Variants in FMN1 observed in about 807,000 individuals in gnomAD.
FMN1 encodes the protein formin 1, also known as formin-1.
In FMN1, 110 loss-of-function variants were observed where a neutral mutation model predicts 132.4. That is an observed-to-expected ratio of 0.83 (90% CI 0.71 to 0.97). The LOEUF is 0.97. Ranked by LOEUF, FMN1 falls within the 50% of genes least tolerant of loss-of-function variation. FMN1 has a pLI of 0.00. For missense variants in FMN1, 1,792 were observed against 1,705.3 expected (o/e 1.05, Z -0.90); for synonymous variants, 722 against 651.7 (o/e 1.11, Z -1.64).
chr15:32,817,491 T>G (rs367908324), intron 17 of FMN1, among the ~76,000 whole-genome samples: 79 of 152,318 alleles, frequency 5.2e-4, no homozygotes, highest in Middle Eastern at 6.8e-3. Flanking sequence ...CACGATGACT[T>G]CAAGAGCTCT....
chr15:33,101,886 G>A (rs765221283), intron 4 of FMN1, among the ~76,000 whole-genome samples: 2 of 151,968 alleles, frequency 1.3e-5, no homozygotes, highest in Non-Finnish European at 2.9e-5. Context: ...TAGGTATCCC[G>A]GCTTCCAGCT....
At chr15:33,106,275 CA>C (rs869086036) in intron 4 of FMN1, 4 of 15,178 alleles carry the variant, frequency 2.6e-4, no homozygotes, top group African/African-American at 8.3e-4. Context: ...AACCAGAATC[CA>C]CACACACACA....
chr15:33,001,909 C>A (rs2034141488), intron 7 of FMN1, among the ~76,000 whole-genome samples: 3 of 152,084 alleles, frequency 2.0e-5, no homozygotes, highest in South Asian at 4.2e-4. Flanking sequence ...TAAGCTCCCC[C>A]ACTTACTGCC....
chr15:33,176,971 T>C (rs929774604), intron 3 of FMN1, among the ~76,000 whole-genome samples: 8 of 152,262 alleles, frequency 5.3e-5, no homozygotes, highest in Middle Eastern at 6.3e-3. Context: ...GAACAGTCTA[T>C]GCCTTTAAAT....
intron 19 of FMN1, among the ~76,000 whole-genome samples, chr15:32,780,891 T>G (rs1025933634): frequency 6.6e-6 from 1 of 152,170 alleles, no homozygotes; most frequent in South Asian, 2.1e-4. Context: ...AACCCATACA[T>G]ACAGACATCT....
At chr15:33,058,093 C>A (rs879276027) in intron 6 of FMN1, among the ~76,000 whole-genome samples, 1 of 104,712 alleles carries the variant, frequency 9.6e-6, no homozygotes, top group East Asian at 2.6e-4. Flanking sequence ...GATGGGGGTG[C>A]TGGTGGAAAG....
chr15:33,166,980 G>A (rs1226087514), intron 3 of FMN1, among the ~76,000 whole-genome samples: 1 of 151,982 alleles, frequency 6.6e-6, no homozygotes, highest in African/African-American at 2.4e-5. Flanking sequence ...CTAATCAAGG[G>A]GCAGGAAGAT....
At chr15:33,010,307 T>C (rs2034644394) in intron 6 of FMN1, among the ~76,000 whole-genome samples, 1 of 151,762 alleles carries the variant, frequency 6.6e-6, no homozygotes, top group Non-Finnish European at 1.5e-5. Context: ...AGGTTAGAGA[T>C]GGGGGTTTGG....
rs373185751 is a variant in FMN1, at chr15:32,823,152, G to GTTTTTTTTTTTTTTTTT, written c.3929-18837_3929-18821dup. 4.6e-5 allele frequency among the ~76,000 whole-genome samples: 4 copies of GTTTTTTTTTTTTTTTTT among 86,212 alleles called. 1 individual carries two copies. The highest frequency in any genetic ancestry group is 2.1e-4 in the African/African-American group (4 of 18,722). 56.6% of individuals were successfully genotyped at this position (86,212 alleles called of 152,430 possible). A position where few individuals can be genotyped will look rare whatever the true frequency, so the allele number is the denominator to read the frequency against. ...GTCTCAAAGACAGAGAGTTTCTACT[G>GTTTTTTTTTTTTTTTTT]TTTTTTTTTTTTTTTTTTTTTTTTT... On this transcript the variant is annotated intron_variant, in intron 17 of 20. Coordinates refer to ENST00000616417, the MANE Select transcript of FMN1 (RefSeq NM_001277313.2).
chr15:33,171,609 T>G (rs1397719841), intron 3 of FMN1, among the ~76,000 whole-genome samples: 1 of 152,216 alleles, frequency 6.6e-6, no homozygotes. Flanking sequence ...GTTCTTGGAA[T>G]TTAATTATTA....
chr15:32,994,232 T>TCACA (rs1555375420), intron 7 of FMN1, among the ~76,000 whole-genome samples: 1 of 37,200 alleles, frequency 2.7e-5, no homozygotes, highest in Non-Finnish European at 8.4e-5. Context: ...TCTCTCTCTC[T>TCACA]CACACACACA....
intron 4 of FMN1, among the ~76,000 whole-genome samples, chr15:33,137,024 G>A (rs1199451256): frequency 6.8e-6 from 1 of 146,278 alleles, no homozygotes; most frequent in Non-Finnish European, 1.5e-5. Flanking sequence ...GGAGGCAGAG[G>A]TTGCAGTGAG....
intron 4 of FMN1, among the ~76,000 whole-genome samples, chr15:33,123,928 C>T (rs185093201): frequency 3.3e-5 from 5 of 152,336 alleles, no homozygotes; most frequent in Admixed American, 6.5e-5. Flanking sequence ...CTGTTCTCCC[C>T]TCATGGTATC....
At chr15:33,007,224 T>C (rs2034467754) in intron 7 of FMN1, among the ~76,000 whole-genome samples, 1 of 152,156 alleles carries the variant, frequency 6.6e-6, no homozygotes, top group South Asian at 2.1e-4. Context: ...AGAAAAGAAA[T>C]GTCTGATCCA....
chr15:33,070,806 G>T (rs1014105956), intron 5 of FMN1, among the ~76,000 whole-genome samples: 1 of 152,068 alleles, frequency 6.6e-6, no homozygotes, highest in Admixed American at 6.6e-5. Context: ...ACAATTTTAG[G>T]TGCTCCACAC....
chr15:33,181,853 T>G lies in FMN1; in HGVS notation c.-196-1591A>C, dbSNP rs137865722. Among the ~76,000 whole-genome samples the G allele has an allele frequency of 6.8e-3, 1,036 of 151,910 alleles. 15 individuals carry two copies. Among genetic ancestry groups the G allele is most frequent in the African/African-American group, 0.022 (929 of 41,422 alleles). ...CCTCCTGAGTAGCTGGGATTACAGA[T>G]GCCTGCCACCATGCCTGGCTAATTT... On this transcript the variant is annotated intron_variant, in intron 2 of 20. Transcript: ENST00000616417.
chr15:33,159,157 G>C (rs1333014524), intron 3 of FMN1, among the ~76,000 whole-genome samples: 1 of 152,158 alleles, frequency 6.6e-6, no homozygotes, highest in African/African-American at 2.4e-5. Flanking sequence ...ACTCCAGCGT[G>C]GGTGAAAGAG....
intron 6 of FMN1, among the ~76,000 whole-genome samples, chr15:33,015,971 T>C (rs192317150): frequency 6.6e-6 from 1 of 152,180 alleles, no homozygotes; most frequent in African/African-American, 2.4e-5. Flanking sequence ...ATCTTAGAAA[T>C]GCAAATTCTT....
intron 9 of FMN1, among the ~76,000 whole-genome samples, chr15:32,946,726 CTAGGTA>C (rs1355979909): frequency 3.9e-5 from 6 of 152,032 alleles, no homozygotes; most frequent in Admixed American, 6.6e-5. Flanking sequence ...TGGTAAATTC[CTAGGTA>C]TAGCTGTGGG....
Sources: allele counts gnomAD v4.1 joint callset (sites outside exome capture counted in the v4.1 genomes callset), GRCh38; gene constraint gnomAD v4.1.1; transcripts MANE v1.5; gene names NCBI Gene and HGNC (gene_info 2026-07-23, HGNC 2026-07-21).